Variants in SMARCA2 observed in about 807,000 individuals in gnomAD.
The protein encoded by SMARCA2 is SWI/SNF-related matrix-associated actin-dependent regulator of chromatin subfamily A member 2.
Under a neutral mutation model 199.8 loss-of-function variants are expected in SMARCA2, and 61 were observed. That is an observed-to-expected ratio of 0.31 (90% CI 0.25 to 0.38). The LOEUF (loss-of-function observed/expected upper bound fraction) is 0.38, where lower values mean the gene tolerates loss of function less well. Ranked by LOEUF, SMARCA2 falls within the 10% of genes least tolerant of loss-of-function variation. The pLI is 1.00. For synonymous variants in SMARCA2, 935 were observed against 732.0 expected (o/e 1.28, Z -4.48); for missense variants, 1,344 against 2,012.2 (o/e 0.67, Z 6.35).
At chr9:2,122,615 G>A (rs1414067560) in intron 26 of SMARCA2, among the ~76,000 whole-genome samples, 1 of 152,184 alleles carries the variant, frequency 6.6e-6, no homozygotes, top group Non-Finnish European at 1.5e-5. Context: ...GAAGTATAAA[G>A]AGCTTTGACC....
chr9:2,077,660 A>G lies in SMARCA2; in HGVS notation c.2068A>G (p.Ser690Gly). ...TAKQDVDDEY[S>G]MQYSARGSQS... Reference sequence around the variant, plus strand: ...TAAGCAAGACGTGGATGATGAATACAGCATGCAGTACAGTGCCAGGGGCTC... The same window carrying G: ...TAAGCAAGACGTGGATGATGAATACGGCATGCAGTACAGTGCCAGGGGCTC... Residue 690 changes from serine to glycine, a missense_variant, in exon 14 of 34, where the codon AGC becomes GGC. Ser to Gly is a moderately conservative substitution (Grantham distance 56). This residue lies in a region of SMARCA2 where 106 missense variants were observed against 179.7 expected (regional missense o/e 0.59). Transcript: ENST00000349721. 6.2e-7 allele frequency: 1 copy of G among 1,614,132 alleles called. No individual in the cohort carries two copies. Among genetic ancestry groups the G allele is most frequent in the Non-Finnish European group, 8.5e-7 (1 of 1,179,982 alleles).
intron 27 of SMARCA2, among the ~76,000 whole-genome samples, chr9:2,132,680 A>G (rs1824016059): frequency 6.6e-6 from 1 of 152,198 alleles, no homozygotes; most frequent in African/African-American, 2.4e-5. Flanking sequence ...CCGTTTTTAT[A>G]CACAAGGGAG....
chr9:2,158,160 CAAAAAAA>C (rs532618380), intron 27 of SMARCA2: 1,392 of 87,878 alleles, frequency 0.016, 27 homozygotes, highest in African/African-American at 0.047. Context: ...GAAAGAGGGC[CAAAAAAA>C]AAAAAAAAAA....
intron 3 of SMARCA2, among the ~76,000 whole-genome samples, chr9:2,036,613 C>T (rs1419450402): frequency 1.3e-5 from 2 of 152,160 alleles, no homozygotes; most frequent in African/African-American, 2.4e-5. Flanking sequence ...TGATTCTATT[C>T]ACATCCCCTA....
intron 4 of SMARCA2, chr9:2,041,466 C>T (rs562720683): frequency 1.0e-5 from 4 of 398,536 alleles, no homozygotes; most frequent in Admixed American, 8.8e-5. Flanking sequence ...CTCTCTGGAG[C>T]CTCTTTTACA....
intron 27 of SMARCA2, among the ~76,000 whole-genome samples, chr9:2,156,662 C>A (rs1825381420): frequency 1.3e-5 from 2 of 152,096 alleles, no homozygotes; most frequent in South Asian, 2.1e-4. Flanking sequence ...AACTCCCTAC[C>A]TCAGGTGATT....
intron 5 of SMARCA2, among the ~76,000 whole-genome samples, chr9:2,053,381 G>T (rs1384249969): frequency 1.3e-5 from 2 of 152,160 alleles, no homozygotes; most frequent in Non-Finnish European, 2.9e-5. Context: ...GTCCAGGAAG[G>T]TTCTCGGAAA....
In SMARCA2 at chr9:2,086,711, C is replaced by A; in HGVS notation, c.2527-118C>A. 9.4e-7 allele frequency: 1 copy of A among 1,069,508 alleles called. No individual in the cohort carries two copies. The highest frequency in any genetic ancestry group is 1.4e-6 in the Non-Finnish European group (1 of 725,782). 66.3% of individuals were successfully genotyped at this position (1,069,508 alleles called of 1,614,324 possible). ...GAGATTCCCTTGTCTCAAAGGTAAT[C>A]ACAGCATATCATATACCAAGGATGG... On this transcript the variant is annotated intron_variant, in intron 17 of 33. Coordinates refer to ENST00000349721, the MANE Select transcript of SMARCA2 (RefSeq NM_003070.5). The surrounding 1 kb of genome is among the most constrained non-coding windows in gnomAD (Gnocchi z 4.3).
intron 1 of SMARCA2, among the ~76,000 whole-genome samples, chr9:2,024,780 G>A (rs1346441142): frequency 6.6e-6 from 1 of 152,194 alleles, no homozygotes; most frequent in Non-Finnish European, 1.5e-5. Flanking sequence ...GATTCTGCCT[G>A]CGGTTTCTCT....
intron 9 of SMARCA2, among the ~76,000 whole-genome samples, chr9:2,064,981 G>C (rs891624553): frequency 6.6e-6 from 1 of 152,150 alleles, no homozygotes; most frequent in Non-Finnish European, 1.5e-5. Flanking sequence ...TCAGGAGATC[G>C]AGACCATCCT....
intron 27 of SMARCA2, among the ~76,000 whole-genome samples, chr9:2,133,290 T>C (rs547190963): frequency 6.6e-6 from 1 of 152,340 alleles, no homozygotes; most frequent in East Asian, 1.9e-4. Flanking sequence ...GATTTGGTTT[T>C]TGACGTTTTC....
chr9:2,018,217 T>G (rs1198565617), intron 1 of SMARCA2, among the ~76,000 whole-genome samples: 1 of 152,176 alleles, frequency 6.6e-6, no homozygotes, highest in Non-Finnish European at 1.5e-5. Flanking sequence ...GGAGTGGGGG[T>G]GTTGTGCAGA....
rs116745652 is a variant in SMARCA2 at position 2,169,360 on chromosome 9, A to C, written c.4200-1059A>C. 6.0e-3 allele frequency among the ~76,000 whole-genome samples: 912 copies of C among 152,224 alleles called. 13 individuals are homozygous for C. The highest frequency in any genetic ancestry group is 0.021 in the African/African-American group (877 of 41,530). On this transcript the variant is annotated intron_variant, in intron 28 of 33. Transcript: ENST00000349721. The surrounding 1 kb of genome is among the most constrained non-coding windows in gnomAD (Gnocchi z 6.5). ...CCGTTGCCTACCCGATGATGACCAG[A>C]CTTCTTAGCGTAGGAGAATTGTTAT...
At chr9:2,047,080 C>T in intron 4 of SMARCA2, 149 bp from the exon 5 acceptor site, 1 of 472,552 alleles carries the variant, frequency 2.1e-6, no homozygotes, top group Non-Finnish European at 2.7e-6. Context: ...CCTTCTTGCC[C>T]TCCTTTTTTT....
At chr9:2,179,873 A>C (rs1826893676) in intron 29 of SMARCA2, among the ~76,000 whole-genome samples, 1 of 152,230 alleles carries the variant, frequency 6.6e-6, no homozygotes, top group South Asian at 2.1e-4. Context: ...AAGAATGCTC[A>C]TTAAGCAAGT....
At chr9:2,160,955 T>G (rs372032608) in intron 27 of SMARCA2, 1 of 228,576 alleles carries the variant, frequency 4.4e-6, no homozygotes, top group Admixed American at 5.3e-5. Context: ...AGGTTTCTTT[T>G]ATACCTGGTT....
chr9:2,182,266 A>C (rs975370295), intron 31 of SMARCA2, 24 bp downstream of exon 31: 2 of 1,437,522 alleles, frequency 1.4e-6, no homozygotes, highest in East Asian at 2.3e-5. Flanking sequence ...AGTTGTCTAA[A>C]AGTTCTTAAC....
Position 2,056,144 on chromosome 9 carries a change from T to C in SMARCA2, c.1174-528T>C, listed in dbSNP as rs1388604294. On this transcript the variant is annotated intron_variant, in intron 6 of 33. Coordinates refer to ENST00000349721, the MANE Select transcript of SMARCA2 (RefSeq NM_003070.5). The surrounding 1 kb of genome is among the most constrained non-coding windows in gnomAD (Gnocchi z 4.0). ...AGATCTCTTGGAAAGAAGATCATTA[T>C]TGGAGTGGGAAGAAGCCAAAACTCA... is the stretch of plus-strand genomic sequence containing the variant. Among the ~76,000 whole-genome samples, 2 of 150,472 alleles carry C rather than the reference T, an allele frequency of 1.3e-5. No homozygotes were observed. Among genetic ancestry groups the C allele is most frequent in the East Asian group, 2.0e-4 (1 of 5,112 alleles).
At chr9:2,057,056 A>G (rs1820385562) in intron 7 of SMARCA2, among the ~76,000 whole-genome samples, 1 of 152,236 alleles carries the variant, frequency 6.6e-6, no homozygotes, top group African/African-American at 2.4e-5. Flanking sequence ...GCCCAAGGTC[A>G]TACAATTGCT....
Sources: gnomAD v4.1 joint callset for allele counts (sites outside exome capture counted in the v4.1 genomes callset) on GRCh38, gnomAD v4.1.1 for gene constraint, gnomAD v4.1.1 regional missense constraint, Gnocchi (gnomAD v3.1) non-coding constraint, MANE v1.5 for transcripts, NCBI Gene and HGNC (gene_info 2026-07-23, HGNC 2026-07-21) for gene names.